Variants in NAT1 observed in about 807,000 individuals in gnomAD.
The protein encoded by NAT1 is arylamine N-acetyltransferase 1.
For missense variants in NAT1, 400 were observed against 339.2 expected, an observed-to-expected ratio of 1.18 and a Z score of -1.41; for synonymous variants, 144 against 122.6, an observed-to-expected ratio of 1.17 and a Z score of -1.16.
At chr8:18,172,072 C>G (rs1002619626) in intron 2 of NAT1, among the ~76,000 whole-genome samples, 2 of 152,204 alleles carry the variant, frequency 1.3e-5, no homozygotes, top group Non-Finnish European at 2.9e-5. Context: ...TCCTCCTGCT[C>G]TACTACCTCT....
intron 2 of NAT1, among the ~76,000 whole-genome samples, chr8:18,187,065 G>A (rs1802767775): frequency 6.6e-6 from 1 of 152,100 alleles, no homozygotes. Context: ...AACATCTTTT[G>A]CCACCTATAG....
chr8:18,191,064 A>C (rs1277286055), intron 2 of NAT1, among the ~76,000 whole-genome samples: 1 of 151,690 alleles, frequency 6.6e-6, no homozygotes, highest in Non-Finnish European at 1.5e-5. Context: ...GACTGTCCAA[A>C]AAAAAAAGAA....
intron 1 of NAT1, among the ~76,000 whole-genome samples, chr8:18,214,183 C>G (rs1804401480): frequency 6.6e-6 from 1 of 152,152 alleles, no homozygotes; most frequent in South Asian, 2.1e-4. Flanking sequence ...CATAACTTTT[C>G]TACTCTTTGT....
At chr8:18,174,823 G>T (rs7003153) in intron 2 of NAT1, among the ~76,000 whole-genome samples, 49,807 of 151,786 alleles carry the variant, frequency 0.33, 10,584 homozygotes, top group African/African-American at 0.6. Flanking sequence ...AAAAGGATTG[G>T]CTCTATAACC....
At chr8:18,190,867 G>C (rs1046663189) in intron 2 of NAT1, among the ~76,000 whole-genome samples, 3 of 152,130 alleles carry the variant, frequency 2.0e-5, no homozygotes, top group African/African-American at 7.2e-5. Flanking sequence ...AGGAGTTCCA[G>C]ACCAGCCTGG....
intron 2 of NAT1, chr8:18,221,841 T>G: frequency 2.0e-6 from 1 of 493,874 alleles, no homozygotes; most frequent in East Asian, 3.4e-5. Context: ...AAAGAAGACA[T>G]AATACATTTC....
At chr8:18,204,655 GAC>G (rs1296785830) in intron 2 of NAT1, among the ~76,000 whole-genome samples, 1 of 151,974 alleles carries the variant, frequency 6.6e-6, no homozygotes, top group Non-Finnish European at 1.5e-5. Context: ...TACAGATATA[GAC>G]AGTTCAAAAT....
chr8:18,177,847 T>G (rs1217294900), intron 2 of NAT1, among the ~76,000 whole-genome samples: 1 of 152,120 alleles, frequency 6.6e-6, no homozygotes, highest in Non-Finnish European at 1.5e-5. Flanking sequence ...TGTTTCTAAT[T>G]ATCTGAGTGA....
intron 2 of NAT1, among the ~76,000 whole-genome samples, chr8:18,204,636 A>G (rs1803629140): frequency 6.6e-6 from 1 of 152,196 alleles, no homozygotes; most frequent in African/African-American, 2.4e-5. Flanking sequence ...TTTGATTTTT[A>G]TCTACGAATA....
chr8:18,178,657 G>A (rs933312082), intron 2 of NAT1, among the ~76,000 whole-genome samples: 19 of 152,112 alleles, frequency 1.2e-4, no homozygotes, highest in Non-Finnish European at 1.5e-4. Flanking sequence ...GAATAGAATT[G>A]CAAGGCTTTC....
At chr8:18,199,317 CAAAAAAA>C (rs373393013) in intron 2 of NAT1, among the ~76,000 whole-genome samples, 3 of 87,482 alleles carry the variant, frequency 3.4e-5, no homozygotes, top group Admixed American at 1.3e-4. Flanking sequence ...GACTCTGTCT[CAAAAAAA>C]AAAAAAAAAA....
chr8:18,178,539 C>T (rs1490895444), intron 2 of NAT1, among the ~76,000 whole-genome samples: 1 of 152,076 alleles, frequency 6.6e-6, no homozygotes, highest in Admixed American at 6.6e-5. Flanking sequence ...GATGTGTAGA[C>T]AGCAGAGAAT....
At chr8:18,196,372 G>A (rs541963398) in intron 2 of NAT1, among the ~76,000 whole-genome samples, 2 of 151,266 alleles carry the variant, frequency 1.3e-5, no homozygotes, top group Non-Finnish European at 2.9e-5. Context: ...GAAGCACAAT[G>A]ACAAAAGTAG....
At chr8:18,205,480 G>C (rs1439988446), upstream of NAT1, among the ~76,000 whole-genome samples, 1 of 152,162 alleles carries the variant, frequency 6.6e-6, no homozygotes, top group Non-Finnish European at 1.5e-5. Context: ...AGCAGTGTTA[G>C]CACAAGAGTG....
At chr8:18,217,286 T>C (rs1804777481) in intron 1 of NAT1, among the ~76,000 whole-genome samples, 1 of 148,844 alleles carries the variant, frequency 6.7e-6, no homozygotes, top group Non-Finnish European at 1.5e-5. Context: ...AGCTAAAATT[T>C]CTCTCACATT....
In NAT1 at chr8:18,173,390, T is replaced by C. The variant is rs373499451; in HGVS notation, n.92+2651T>C. Among the ~76,000 whole-genome samples, 7 of 152,278 alleles carry C rather than the reference T, an allele frequency of 4.6e-5. No homozygotes were observed. In the South Asian group the frequency reaches 1.2e-3, roughly 27 times the overall value. On this transcript the variant is annotated intron_variant and non_coding_transcript_variant, in intron 2 of 4. Transcript: ENST00000517441. ...TGTTTTCCACCTCATGGAATGAATG[T>C]TCTTTTATCATCCTGTTTATTAAAA...
intron 2 of NAT1, among the ~76,000 whole-genome samples, chr8:18,173,042 T>C (rs1201697038): frequency 6.6e-6 from 1 of 152,050 alleles, no homozygotes; most frequent in Non-Finnish European, 1.5e-5. Context: ...GAGTCTTCCA[T>C]GGTGTTTTAT....
chr8:18,222,505 C>T lies in NAT1; in HGVS notation c.458C>T (p.Thr153Met), dbSNP rs374226986. 50 of 1,614,034 alleles carry T rather than the reference C, an allele frequency of 3.1e-5. No individual in the cohort carries two copies. The highest frequency in any genetic ancestry group is 1.6e-4 in the East Asian group (7 of 44,880). ...CAGGTGCCTTGTGTCTTCCGTTTGA[C>T]GGAAGAGAATGGATTCTGGTATCTA... ...QPQVPCVFRL[T>M]EENGFWYLDQ... Residue 153 changes from threonine to methionine, a missense_variant, in exon 3 of 3, where the codon ACG (threonine) becomes ATG (methionine). Physicochemically the swap from Thr to Met is moderately conservative, Grantham distance 81 (BLOSUM62 -1). Transcript: ENST00000307719.
intron 2 of NAT1, among the ~76,000 whole-genome samples, chr8:18,200,355 T>C (rs1354150569): frequency 6.6e-6 from 1 of 151,960 alleles, no homozygotes; most frequent in African/African-American, 2.4e-5. Flanking sequence ...TATGCAGCCA[T>C]AAAAAAGAAC....
Sources: gnomAD v4.1 joint callset for allele counts (sites outside exome capture counted in the v4.1 genomes callset) on GRCh38, gnomAD v4.1.1 for gene constraint, MANE v1.5 for transcripts, NCBI Gene and HGNC (gene_info 2026-07-23, HGNC 2026-07-21) for gene names.